The following TUBGCP6 variants were observed in gnomAD, a reference collection of about 807,000 sequenced individuals.
TUBGCP6 encodes the protein tubulin gamma complex component 6, also known as gamma-tubulin complex component 6.
Under a neutral mutation model 175.8 loss-of-function variants are expected in TUBGCP6, and 161 were observed. The ratio of observed to expected loss-of-function variants is 0.92; its 90% CI spans 0.81 to 1.04. The LOEUF (loss-of-function observed/expected upper bound fraction) is 1.04. Ranked by LOEUF, TUBGCP6 falls within the 50% of genes least tolerant of loss-of-function variation. The pLI, the probability that TUBGCP6 is intolerant of heterozygous loss-of-function variation, is 0.00. For synonymous variants in TUBGCP6, 1,173 were observed against 1,030.5 expected (o/e 1.14, Z -2.65); for missense variants, 2,572 against 2,433.0 (o/e 1.06, Z -1.20).
Position 50,225,893 on chromosome 22 carries a change from G to A in TUBGCP6, c.1884C>T (p.Phe628=), listed in dbSNP as rs767796193. Residue 628 remains phenylalanine (F), a synonymous_variant, in exon 10 of 25, where the codon TTC becomes TTT. Coordinates refer to ENST00000248846, the MANE Select transcript of TUBGCP6 (RefSeq NM_020461.4). Reference sequence around the variant, plus strand: ...CAATCTCCTTCAACTCCTCAAGGGAGAAAATCACCGAGATCCGGGGGACAG... The same window carrying A: ...CAATCTCCTTCAACTCCTCAAGGGAAAAAATCACCGAGATCCGGGGGACAG... The part of the protein sequence containing the change: ...DVPVPRISVI[F]SLEELKEIEK... 54 of 1,613,828 alleles carry A rather than the reference G, an allele frequency of 3.3e-5. No individual in the cohort carries two copies. The highest frequency in any genetic ancestry group is 3.9e-5 in the Non-Finnish European group (46 of 1,180,028).
Position 50,218,097 on chromosome 22 carries a change from G to A in TUBGCP6, c.5189C>T (p.Ala1730Val), listed in dbSNP as rs764792112. ...GTGGATGACGTTCATGACGGGCGCC[G>A]CCTTCTCCGTGAGCAGGCCCCTGGG... ...AVFRGLLTEK[A>V]APVMNVIHSI... Residue 1730 changes from alanine (A) to valine (V), a missense_variant, in exon 24 of 25, where the codon GCG (alanine) becomes GTG (valine). Ala to Val is a moderately conservative substitution (Grantham distance 64). Transcript: ENST00000248846. The A allele has an allele frequency of 9.3e-6, 15 of 1,612,680 alleles. No homozygotes were observed. The highest frequency in any genetic ancestry group is 1.7e-5 in the Admixed American group (1 of 60,016).
At chr22:50,226,520 G>A (rs2064612197) in intron 7 of TUBGCP6, 142 bp from the exon 8 acceptor site, 1 of 498,108 alleles carries the variant, frequency 2.0e-6, no homozygotes, top group Non-Finnish European at 3.6e-6. Context: ...GTGGGGTGTG[G>A]CCATCCATGA....
At chr22:50,236,199 G>A (rs1441186868) in intron 2 of TUBGCP6, among the ~76,000 whole-genome samples, 31 of 151,798 alleles carry the variant, frequency 2.0e-4, no homozygotes, top group Non-Finnish European at 3.5e-4. Context: ...GCAGTGGCAC[G>A]ATCTTGGCCC....
intron 1 of TUBGCP6, among the ~76,000 whole-genome samples, chr22:50,243,092 A>G (rs942890682): frequency 6.6e-6 from 1 of 152,146 alleles, no homozygotes; most frequent in African/African-American, 2.4e-5. Flanking sequence ...AGACGGGTGG[A>G]TCATTTGAGG....
At chr22:50,226,670 C>T (rs936767733) in intron 7 of TUBGCP6, 63 bp downstream of exon 7, 184 of 1,365,668 alleles carry the variant, frequency 1.3e-4, no homozygotes, top group South Asian at 1.5e-4. Flanking sequence ...GACAAGGGAC[C>T]GCTCTCAAGT....
At chr22:50,230,483 T>C (rs749984638) in intron 3 of TUBGCP6, among the ~76,000 whole-genome samples, 5 of 152,030 alleles carry the variant, frequency 3.3e-5, no homozygotes, top group Non-Finnish European at 5.9e-5. Context: ...GGCGTGCACC[T>C]GTAGTCCCAG....
rs769588325 is a variant in TUBGCP6 at position 50,243,671 on chromosome 22, T to C, written c.741+48A>G. 2.7e-6 allele frequency: 4 copies of C among 1,461,962 alleles called. No individual in the cohort carries two copies. In the African/African-American group the frequency reaches 5.8e-5, roughly 21 times the overall value. The allele number at this position is 1,461,962 out of a possible 1,614,324, so 90.6% of individuals were successfully genotyped here. ...AGAAGAAGAAAGGTCACAGGAAGCA[T>C]TTTCCAAACCCCGAGAGAGATGAAA... On this transcript the variant is annotated intron_variant, in intron 1 of 24. Transcript: ENST00000248846.
intron 2 of TUBGCP6, among the ~76,000 whole-genome samples, chr22:50,239,901 G>C (rs2064818967): frequency 2.0e-5 from 3 of 152,192 alleles, no homozygotes; most frequent in Admixed American, 1.3e-4. Flanking sequence ...TACTGGCACG[G>C]GGAGGGGAGC....
chr22:50,225,587 G>A lies in TUBGCP6; in HGVS notation c.1983+207C>T, dbSNP rs369962546. Among the ~76,000 whole-genome samples the A allele has an allele frequency of 1.5e-3, 161 of 108,526 alleles. 1 individual carries two copies. Among genetic ancestry groups the A allele is most frequent in the East Asian group, 9.3e-3 (40 of 4,312 alleles). 71.2% of individuals were successfully genotyped at this position (108,526 alleles called of 152,430 possible). ...GGACATTCATCTCAGCTCCCCCTTG[G>A]CACCCACCCTTCATCTCAACTCCCC... is the stretch of plus-strand genomic sequence containing the variant. On this transcript the variant is annotated intron_variant, in intron 10 of 24. Coordinates refer to ENST00000248846, the MANE Select transcript of TUBGCP6 (RefSeq NM_020461.4).
rs201520991 is a variant in TUBGCP6 at position 50,220,471 on chromosome 22, G to C, written c.3888C>G (p.Ser1296Arg). 1.2e-6 allele frequency: 2 copies of C among 1,612,926 alleles called. No homozygotes were observed. The highest frequency in any genetic ancestry group is 1.7e-5 in the Admixed American group (1 of 59,986). ...CTGACTGGGACGTGTGGCCAGGGGG[G>C]CTCTGTTGGGGCCTGGGTGTGTTGG... is the stretch of plus-strand genomic sequence containing the variant. ...AEPNTPRPQQ[S>R]PPGHTSQSAL... is the part of the protein sequence containing the mutation. The change falls in exon 16 of 25, where the codon AGC becomes AGG. Residue 1296 changes from serine (S) to arginine (R), a missense_variant. Coordinates refer to ENST00000248846, the MANE Select transcript of TUBGCP6 (RefSeq NM_020461.4).
At position 50,233,382 on chromosome 22, in the gene TUBGCP6, G is replaced by A. The variant is rs529665239; in HGVS notation, c.1050C>T (p.Cys350=). 7.1e-5 allele frequency: 114 copies of A among 1,614,038 alleles called. No homozygotes were observed. The South Asian group carries it at 1.0e-3, about 14-fold the overall frequency. The change falls in exon 3 of 25, where the codon TGC becomes TGT. Residue 350 remains cysteine, a synonymous_variant. Transcript: ENST00000248846. ...QAPQPVLVKE[C]ELVKDVLNVL... is the part of the protein sequence containing the mutation. ...CGTTCAGCACGTCTTTCACCAGCTCGCACTCCTTCACCAGCACGGGCTGCG... is the reference window on the plus strand; with the variant it reads ...CGTTCAGCACGTCTTTCACCAGCTCACACTCCTTCACCAGCACGGGCTGCG...
At position 50,218,814 on chromosome 22, in the gene TUBGCP6, C is replaced by T; in HGVS notation, c.4710G>A (p.Leu1570=). ...SVLSKALQCS[L]HGDTPHASNL... ...TGGAGGCGTGCGGGGTGTCCCCATG[C>T]AGGCTGCACTGCAGGGCCTTGCTCA... Residue 1570 remains leucine, a synonymous_variant, in exon 21 of 25, where the codon CTG becomes CTA. Coordinates refer to ENST00000248846, the MANE Select transcript of TUBGCP6 (RefSeq NM_020461.4). 3 of 1,614,116 alleles carry T rather than the reference C, an allele frequency of 1.9e-6. No homozygotes were observed. Among genetic ancestry groups the T allele is most frequent in the Non-Finnish European group, 2.5e-6 (3 of 1,180,020 alleles).
At position 50,218,859 on chromosome 22, in the gene TUBGCP6, C is replaced by A. The variant is rs371917612; in HGVS notation, c.4665G>T (p.Pro1555=). 1.2e-6 allele frequency: 2 copies of A among 1,613,442 alleles called. No homozygotes were observed. Among genetic ancestry groups the A allele is most frequent in the African/African-American group, 2.7e-5 (2 of 74,922 alleles). ...TGCTCAGCACAGAGTTCAGCACCAG[C>A]GGGTTGAGCAGCTCTCCGGGCGTTT... ...AGQTPGELLN[P]LVLNSVLSKA... is the part of the protein sequence containing the mutation. Residue 1555 remains proline, a synonymous_variant, in exon 21 of 25, where the codon CCG becomes CCT. Transcript: ENST00000248846.
chr22:50,218,299 G>A lies in TUBGCP6; in HGVS notation c.5058C>T (p.Asn1686=), dbSNP rs764655553. 2 of 1,613,162 alleles carry A rather than the reference G, an allele frequency of 1.2e-6. No homozygotes were observed. Among genetic ancestry groups the A allele is most frequent in the East Asian group, 2.2e-5 (1 of 44,872 alleles). ...CGCACCAGGTGACGTGCAGGATCTG[G>A]TTGGCGATGTAGCCCTGGATGACCT... ...FVKVIQGYIA[N]QILHVTWCEF... Residue 1686 remains asparagine (N), a synonymous_variant, in exon 23 of 25, where the codon AAC becomes AAT. Transcript: ENST00000248846.
chr22:50,228,272 C>G (rs891470071), intron 4 of TUBGCP6, among the ~76,000 whole-genome samples: 2 of 61,534 alleles, frequency 3.3e-5, no homozygotes, highest in South Asian at 1.3e-3. Flanking sequence ...AGCCCAGCTG[C>G]CCCAGGGGCG....
intron 3 of TUBGCP6, among the ~76,000 whole-genome samples, chr22:50,231,042 A>G (rs1346656321): frequency 2.1e-5 from 3 of 139,968 alleles, no homozygotes; most frequent in African/African-American, 8.0e-5. Flanking sequence ...AGATCACGCC[A>G]TTGCACTCCA....
chr22:50,218,633 G>C lies in TUBGCP6; in HGVS notation c.4822-13C>G. ...GAGGCCAGTCCACCTGCCAGGAGGCGTGGCTCAGCAGGCATCCCACAGGCA... is the reference window on the plus strand; with the variant it reads ...GAGGCCAGTCCACCTGCCAGGAGGCCTGGCTCAGCAGGCATCCCACAGGCA... On this transcript the variant is annotated splice_polypyrimidine_tract_variant and intron_variant, in intron 21 of 24. Coordinates refer to ENST00000248846, the MANE Select transcript of TUBGCP6 (RefSeq NM_020461.4). The C allele has an allele frequency of 6.2e-7, 1 of 1,613,818 alleles. No homozygotes were observed. Among genetic ancestry groups the C allele is most frequent in the Non-Finnish European group, 8.5e-7 (1 of 1,179,938 alleles).
At position 50,219,460 on chromosome 22, in the gene TUBGCP6, CG is replaced by C. The variant is rs2064477928; in HGVS notation, c.4316-5del. 1 of 1,583,290 alleles carries C rather than the reference CG, an allele frequency of 6.3e-7. No homozygotes were observed. Among genetic ancestry groups the C allele is most frequent in the Non-Finnish European group, 8.6e-7 (1 of 1,166,088 alleles). On this transcript the variant is annotated splice_region_variant and splice_polypyrimidine_tract_variant and intron_variant, in intron 18 of 24. Coordinates refer to ENST00000248846, the MANE Select transcript of TUBGCP6 (RefSeq NM_020461.4). ...AGATGAGCAATGGGCGGCTCGGCTG[CG>C]GGAGATGGAGCACGCACGTGCTGGG...
intron 1 of TUBGCP6, among the ~76,000 whole-genome samples, chr22:50,241,972 A>G (rs2064844436): frequency 7.6e-6 from 1 of 130,758 alleles, no homozygotes; most frequent in Non-Finnish European, 1.5e-5. Context: ...TCCCTACACA[A>G]GACTCCATCT....
Sources: gnomAD v4.1 joint callset for allele counts (sites outside exome capture counted in the v4.1 genomes callset) on GRCh38, gnomAD v4.1.1 for gene constraint, MANE v1.5 for transcripts, NCBI Gene and HGNC (gene_info 2026-07-23, HGNC 2026-07-21) for gene names.